The following ZNF469 variants were observed in gnomAD, a reference collection of about 807,000 sequenced individuals.
ZNF469 encodes the protein zinc finger protein 469.
ZNF469 carries 1 observed loss-of-function variant against 1.0 expected under a neutral mutation model. The ratio of observed to expected loss-of-function variants is 1.00; its 90% CI spans 0.35 to 4.73. ZNF469 has a LOEUF of 4.73. Ranked by LOEUF, ZNF469 falls within the 30% of genes most tolerant of loss-of-function variation. ZNF469 has a pLI of 0.16. For synonymous variants in ZNF469, 2,703 were observed against 2,363.4 expected (o/e 1.14, Z -4.17); for missense variants, 6,100 against 5,356.3 (o/e 1.14, Z -4.33).
the ZNF469 span, among the ~76,000 whole-genome samples, chr16:88,249,234 A>AAAAAG: frequency 6.0e-5 from 9 of 149,658 alleles, no homozygotes; most frequent in African/African-American, 2.2e-4. Flanking sequence ...TTTAAAAAAA[A>AAAAAG]AAAGAAAGAA....
At chr16:88,398,804 G>A (rs540296082) in intron 1 of ZNF469, among the ~76,000 whole-genome samples, 148 of 152,220 alleles carry the variant, frequency 9.7e-4, no homozygotes, top group African/African-American at 3.3e-3. Context: ...CAGGGCATCC[G>A]GGCTGGGATC....
chr16:88,115,834 G>A, the ZNF469 span, among the ~76,000 whole-genome samples: 1 of 152,168 alleles, frequency 6.6e-6, no homozygotes, highest in African/African-American at 2.4e-5. Flanking sequence ...GCCTCTCCCA[G>A]CTCCTGGGCA....
the ZNF469 span, among the ~76,000 whole-genome samples, chr16:88,135,180 C>T: frequency 6.6e-6 from 1 of 152,228 alleles, no homozygotes; most frequent in Admixed American, 6.5e-5. Flanking sequence ...TGGGGCAGGG[C>T]TATGAAGGAA....
chr16:88,148,401 G>A, the ZNF469 span, among the ~76,000 whole-genome samples: 6 of 152,174 alleles, frequency 3.9e-5, no homozygotes, highest in East Asian at 1.9e-4. Flanking sequence ...CAAGGAGAGC[G>A]GAGTTGGCCC....
intron 1 of ZNF469, among the ~76,000 whole-genome samples, chr16:88,404,956 T>A (rs1904986293): frequency 6.6e-6 from 1 of 152,184 alleles, no homozygotes. Context: ...ATAACCAGGC[T>A]GTGCAGGGGG....
At chr16:88,203,807 C>T in the ZNF469 span, among the ~76,000 whole-genome samples, 3 of 152,206 alleles carry the variant, frequency 2.0e-5, 1 homozygote, top group Non-Finnish European at 2.9e-5. Flanking sequence ...GCCCACCCTA[C>T]TCCAGCGCAA....
chr16:88,408,333 G>A (rs1394463698), intron 1 of ZNF469, among the ~76,000 whole-genome samples: 1 of 152,206 alleles, frequency 6.6e-6, no homozygotes, highest in Admixed American at 6.5e-5. Context: ...TGTATTTTTA[G>A]TAGAGACGGG....
At chr16:88,382,000 C>T (rs969021132), upstream of ZNF469, among the ~76,000 whole-genome samples, 2 of 152,242 alleles carry the variant, frequency 1.3e-5, no homozygotes, top group Non-Finnish European at 2.9e-5. Context: ...TGACCTGCTC[C>T]CGGGGGACCT....
In ZNF469 at chr16:88,437,744, A is replaced by G. The variant is rs959340526; in HGVS notation, c.10274A>G (p.Tyr3425Cys). The change falls in exon 3 of 3, where the codon TAC (tyrosine) becomes TGC (cysteine). Residue 3425 changes from tyrosine to cysteine, a missense_variant. Physicochemically the swap from Tyr to Cys is radical, Grantham distance 194. Coordinates refer to ENST00000565624, the MANE Select transcript of ZNF469 (RefSeq NM_001367624.2). ...KKSFACSSCN[Y>C]TFAKKEQFDR... ...TCCTTCGCCTGCAGCTCCTGCAACTACACCTTCGCCAAGAAGGAGCAGTTC... is the reference window on the plus strand; with the variant it reads ...TCCTTCGCCTGCAGCTCCTGCAACTGCACCTTCGCCAAGAAGGAGCAGTTC... 3.2e-6 allele frequency: 5 copies of G among 1,549,710 alleles called. No homozygotes were observed. The highest frequency in any genetic ancestry group is 1.7e-6 in the Non-Finnish European group (2 of 1,146,590).
the ZNF469 span, among the ~76,000 whole-genome samples, chr16:88,261,875 C>T: frequency 6.6e-6 from 1 of 152,142 alleles, no homozygotes; most frequent in Non-Finnish European, 1.5e-5. This position sits in a 1 kb window ranked among gnomAD's most constrained non-coding sequence, Gnocchi z 6.0. Context: ...GCACAGAGGG[C>T]TTCTGTGGAT....
the ZNF469 span, among the ~76,000 whole-genome samples, chr16:88,284,025 TGTGTCCGGA>T: frequency 0.023 from 1,671 of 72,678 alleles, 14 homozygotes; most frequent in East Asian, 0.035. Context: ...AGACCCCCAG[TGTGTCCGGA>T]GTGCCTGAGG....
At chr16:88,213,644 G>GCCT in the ZNF469 span, among the ~76,000 whole-genome samples, 1 of 152,108 alleles carries the variant, frequency 6.6e-6, no homozygotes, top group Non-Finnish European at 1.5e-5. Context: ...TCCAAAGGGT[G>GCCT]CCTCCTCCTC....
At chr16:88,115,133 G>A in the ZNF469 span, among the ~76,000 whole-genome samples, 1 of 152,168 alleles carries the variant, frequency 6.6e-6, no homozygotes, top group Non-Finnish European at 1.5e-5. Flanking sequence ...TCTGTGCCGG[G>A]CTCTGCGCAT....
chr16:88,193,087 G>A, the ZNF469 span, among the ~76,000 whole-genome samples: 16 of 122,242 alleles, frequency 1.3e-4, no homozygotes, highest in Admixed American at 9.6e-4. Flanking sequence ...GGTGATGGTG[G>A]TGGTGATGGT....
chr16:88,209,164 C>T, the ZNF469 span, among the ~76,000 whole-genome samples: 377 of 152,266 alleles, frequency 2.5e-3, no homozygotes, highest in Non-Finnish European at 4.3e-3. Context: ...ACCCTACACA[C>T]ACACATCTAT....
chr16:88,315,224 G>T, the ZNF469 span, among the ~76,000 whole-genome samples: 1 of 152,212 alleles, frequency 6.6e-6, no homozygotes, highest in Non-Finnish European at 1.5e-5. Flanking sequence ...TTTCCTCACT[G>T]TGAAACGGGC....
chr16:88,380,501 T>TTA (rs2092519042), upstream of ZNF469, among the ~76,000 whole-genome samples: 2 of 121,590 alleles, frequency 1.6e-5, no homozygotes, highest in African/African-American at 6.1e-5. Flanking sequence ...ACACATGCAC[T>TTA]CACACAGACA....
chr16:88,428,462 C>T lies in ZNF469; in HGVS notation c.992C>T (p.Ala331Val), dbSNP rs149485731. 7.2e-5 allele frequency: 112 copies of T among 1,548,666 alleles called. No individual in the cohort carries two copies. The highest frequency in any genetic ancestry group is 5.7e-4 in the South Asian group (48 of 84,042). The change falls in exon 3 of 3, where the codon GCG becomes GTG. Residue 331 changes from alanine (A) to valine (V), a missense_variant. By Grantham distance (64) the Ala-to-Val change is moderately conservative. Transcript: ENST00000565624. ...GCCTACCCGCTGCCCACCCAGCCTG[C>T]GCCCTCACCCCTGCCCTGCTACCAG... Reference protein sequence around the residue: ...GPAYPLPTQPAPSPLPCYQGQ... With the variant: ...GPAYPLPTQPVPSPLPCYQGQ...
At chr16:88,232,964 C>T in the ZNF469 span, among the ~76,000 whole-genome samples, 60 of 152,312 alleles carry the variant, frequency 3.9e-4, no homozygotes, top group African/African-American at 1.1e-3. Context: ...CACCTCCAGC[C>T]GGGTGCAGGC....
Sources: allele counts gnomAD v4.1 joint callset (sites outside exome capture counted in the v4.1 genomes callset), GRCh38; gene constraint gnomAD v4.1.1; non-coding constraint Gnocchi (gnomAD v3.1); transcripts MANE v1.5; gene names NCBI Gene and HGNC (gene_info 2026-07-23, HGNC 2026-07-21).